DDAH1: variants seen among roughly 807,000 people sequenced by gnomAD.
DDAH1 encodes dimethylarginine dimethylaminohydrolase 1.
DDAH1 carries 19 observed loss-of-function variants against 28.8 expected under a neutral mutation model. That is an observed-to-expected ratio of 0.66 (90% confidence interval 0.46 to 0.97). The LOEUF (loss-of-function observed/expected upper bound fraction) is 0.97. Among genes scored for constraint, DDAH1 ranks in the 50% least tolerant of loss-of-function variants. The pLI is 0.00. For missense variants in DDAH1, 326 were observed against 375.9 expected (o/e 0.87, Z 1.10); for synonymous variants, 153 against 154.4 (o/e 0.99, Z 0.07).
chr1:85,330,943 T>C (rs1002639846), intron 4 of DDAH1, among the ~76,000 whole-genome samples: 1 of 152,202 alleles, frequency 6.6e-6, no homozygotes, highest in African/African-American at 2.4e-5. Context: ...ACCTCACTTT[T>C]ATCATAGGCA....
At chr1:85,551,413 G>A (rs886676102) in intron 1 of DDAH1, among the ~76,000 whole-genome samples, 5 of 152,302 alleles carry the variant, frequency 3.3e-5, no homozygotes, top group South Asian at 4.1e-4. Context: ...CAGAAACCCA[G>A]CTTCTTCTGA....
intron 1 of DDAH1, among the ~76,000 whole-genome samples, chr1:85,558,063 T>TAA (rs113329343): frequency 1.7e-4 from 24 of 144,422 alleles, no homozygotes; most frequent in African/African-American, 5.1e-4. Flanking sequence ...TCCAAACCAG[T>TAA]AAAAAAAAAA....
intron 1 of DDAH1, among the ~76,000 whole-genome samples, chr1:85,415,497 A>G (rs1319689903): frequency 6.6e-6 from 1 of 152,216 alleles, no homozygotes; most frequent in East Asian, 1.9e-4. Context: ...AGGGTTGCTC[A>G]TAGTATTAAT....
chr1:85,459,655 G>A lies in DDAH1; in HGVS notation c.303+5088C>T, dbSNP rs529153177. Among the ~76,000 whole-genome samples the A allele has an allele frequency of 8.5e-5, 13 of 152,186 alleles. No homozygotes were observed. The South Asian group carries it at 2.7e-3, about 32-fold the overall frequency. ...AGAATAATTTCTAATTATGGTTTGGGGCAGCTTTCTCACTTGAAACTAAAC... is the reference window on the plus strand; with the variant it reads ...AGAATAATTTCTAATTATGGTTTGGAGCAGCTTTCTCACTTGAAACTAAAC... On this transcript the variant is annotated intron_variant, in intron 1 of 5. Coordinates refer to ENST00000284031, the MANE Select transcript of DDAH1 (RefSeq NM_012137.4).
intron 1 of DDAH1, among the ~76,000 whole-genome samples, chr1:85,418,087 G>A (rs1652964405): frequency 6.6e-6 from 1 of 152,214 alleles, no homozygotes; most frequent in African/African-American, 2.4e-5. Flanking sequence ...ATTAGGATAA[G>A]AGGCTGAAAT....
chr1:85,450,115 C>T (rs1056236371), intron 1 of DDAH1, among the ~76,000 whole-genome samples: 3 of 152,066 alleles, frequency 2.0e-5, no homozygotes, highest in East Asian at 1.9e-4. Context: ...AGACAAGTTG[C>T]GTTTTTTCTT....
At chr1:85,477,668 C>CTATATAGAAATATATATATATATA (rs1655850113) in intron 2 of DDAH1, among the ~76,000 whole-genome samples, 1 of 151,538 alleles carries the variant, frequency 6.6e-6, no homozygotes, top group African/African-American at 2.4e-5. Flanking sequence ...ACTATCTCTA[C>CTATATAGAAATATATATATATATA]TATATATAGA....
chr1:85,450,270 C>T (rs1353819846), intron 1 of DDAH1, among the ~76,000 whole-genome samples: 1 of 152,202 alleles, frequency 6.6e-6, no homozygotes, highest in African/African-American at 2.4e-5. Context: ...CACTAAACAA[C>T]AATTGCCTGT....
intron 1 of DDAH1, among the ~76,000 whole-genome samples, chr1:85,455,449 TTGTC>T (rs942099681): frequency 2.0e-5 from 3 of 152,212 alleles, no homozygotes; most frequent in Non-Finnish European, 4.4e-5. Context: ...TTCTTTTTTT[TTGTC>T]TTTCTTTAGA....
intron 1 of DDAH1, among the ~76,000 whole-genome samples, chr1:85,394,909 T>C (rs1014227096): frequency 1.3e-5 from 2 of 152,210 alleles, no homozygotes; most frequent in African/African-American, 4.8e-5. Context: ...GATTAAAGTA[T>C]AGATACTTTG....
chr1:85,471,081 T>C (rs1359362004), intron 2 of DDAH1, among the ~76,000 whole-genome samples: 1 of 152,202 alleles, frequency 6.6e-6, no homozygotes, highest in Non-Finnish European at 1.5e-5. Flanking sequence ...TTGTTGGTTT[T>C]GGTGAATGGG....
chr1:85,333,323 A>C (rs1184803989), intron 4 of DDAH1, among the ~76,000 whole-genome samples: 1 of 152,218 alleles, frequency 6.6e-6, no homozygotes, highest in Admixed American at 6.5e-5. Context: ...TATCTACAGG[A>C]AAATGTCTTC....
chr1:85,385,348 C>G (rs576858433), intron 1 of DDAH1, among the ~76,000 whole-genome samples: 1 of 152,318 alleles, frequency 6.6e-6, no homozygotes, highest in East Asian at 1.9e-4. Flanking sequence ...CCAGGATCAT[C>G]TTAGAAATAA....
At chr1:85,349,115 C>CT (rs957164499) in intron 4 of DDAH1, among the ~76,000 whole-genome samples, 14 of 152,160 alleles carry the variant, frequency 9.2e-5, no homozygotes, top group African/African-American at 3.1e-4. Flanking sequence ...AAGACACCAG[C>CT]TTTTTTTATA....
chr1:85,499,389 T>C (rs1226138719), intron 1 of DDAH1, among the ~76,000 whole-genome samples: 1 of 152,108 alleles, frequency 6.6e-6, no homozygotes, highest in African/African-American at 2.4e-5. Context: ...AAGAAACTTC[T>C]TGAGGCCGGG....
At chr1:85,363,562 AC>A (rs1649899571) in intron 1 of DDAH1, among the ~76,000 whole-genome samples, 2 of 152,218 alleles carry the variant, frequency 1.3e-5, no homozygotes, top group African/African-American at 4.8e-5. Context: ...TCATCTCCCA[AC>A]TTTTTGCTGA....
At chr1:85,336,165 A>G (rs1557478121) in intron 4 of DDAH1, among the ~76,000 whole-genome samples, 1 of 152,166 alleles carries the variant, frequency 6.6e-6, no homozygotes, top group Non-Finnish European at 1.5e-5. Context: ...CCAAAAATAT[A>G]TGGAACATTT....
intron 1 of DDAH1, among the ~76,000 whole-genome samples, chr1:85,505,269 T>A (rs1249439493): frequency 1.3e-5 from 2 of 152,096 alleles, no homozygotes; most frequent in African/African-American, 4.8e-5. Context: ...AACCGTATTA[T>A]CTTTTTCTTA....
intron 2 of DDAH1, among the ~76,000 whole-genome samples, chr1:85,356,878 T>G (rs967271262): frequency 2.0e-5 from 3 of 152,046 alleles, no homozygotes; most frequent in African/African-American, 4.8e-5. Flanking sequence ...ACTGAGGAGA[T>G]TTTAGGGGGT....
Sources: allele counts gnomAD v4.1 joint callset (sites outside exome capture counted in the v4.1 genomes callset), GRCh38; gene constraint gnomAD v4.1.1; transcripts MANE v1.5; gene names NCBI Gene and HGNC (gene_info 2026-07-23, HGNC 2026-07-21).